CNTNAP5: variants seen among roughly 807,000 people sequenced by gnomAD.
CNTNAP5 encodes contactin associated protein family member 5.
CNTNAP5 carries 72 observed loss-of-function variants against 150.2 expected under a neutral mutation model. That is an observed-to-expected ratio of 0.48 (90% CI 0.40 to 0.58). The LOEUF is 0.58. Among genes scored for constraint, CNTNAP5 ranks in the 20% least tolerant of loss-of-function variants. The pLI, the probability that CNTNAP5 is intolerant of heterozygous loss-of-function variation, is 0.00. For synonymous variants in CNTNAP5, 672 were observed against 619.8 expected (o/e 1.08, Z -1.25); for missense variants, 1,636 against 1,626.2 (o/e 1.01, Z -0.10).
chr2:124,425,013 C>T (rs556629696), intron 4 of CNTNAP5, among the ~76,000 whole-genome samples: 2 of 152,254 alleles, frequency 1.3e-5, no homozygotes, highest in African/African-American at 2.4e-5. Flanking sequence ...TTAAAGGAAA[C>T]CTGAAAAGGG....
intron 19 of CNTNAP5, among the ~76,000 whole-genome samples, chr2:124,800,936 T>A (rs1681953906): frequency 6.6e-6 from 1 of 152,098 alleles, no homozygotes; most frequent in African/African-American, 2.4e-5. Context: ...CAGCTTGGTT[T>A]TATATATTTT....
chr2:124,816,923 A>G (rs368903774), intron 19 of CNTNAP5, among the ~76,000 whole-genome samples: 6 of 152,240 alleles, frequency 3.9e-5, no homozygotes, highest in Admixed American at 2.6e-4. Context: ...CATCGTTGCC[A>G]TATTCTATGT....
intron 11 of CNTNAP5, among the ~76,000 whole-genome samples, chr2:124,567,866 T>TAGATAG (rs1553480451): frequency 1.2e-4 from 16 of 138,536 alleles, no homozygotes; most frequent in Admixed American, 6.8e-4. Flanking sequence ...GATAGATAGA[T>TAGATAG]AGATAGATAG....
intron 11 of CNTNAP5, among the ~76,000 whole-genome samples, chr2:124,606,214 A>C (rs1697103325): frequency 6.6e-6 from 1 of 152,312 alleles, no homozygotes; most frequent in Non-Finnish European, 1.5e-5. Flanking sequence ...ATGTCATATC[A>C]CCAAAATAGT....
intron 3 of CNTNAP5, among the ~76,000 whole-genome samples, chr2:124,353,752 T>C (rs917985687): frequency 3.9e-5 from 6 of 152,190 alleles, no homozygotes; most frequent in African/African-American, 1.4e-4. Context: ...ATTAACAGTC[T>C]ACAACAGTTA....
At chr2:124,145,794 T>TAAATAAAAAAATAAAAAA (rs1684225598) in intron 1 of CNTNAP5, among the ~76,000 whole-genome samples, 1 of 29,532 alleles carries the variant, frequency 3.4e-5, no homozygotes, top group African/African-American at 1.1e-4. Context: ...TAAAGTATAA[T>TAAATAAAAAAATAAAAAA]AAAAAAAAAA....
intron 13 of CNTNAP5, among the ~76,000 whole-genome samples, chr2:124,726,335 C>T (rs896532330): frequency 5.9e-5 from 9 of 152,068 alleles, no homozygotes; most frequent in African/African-American, 9.7e-5. Flanking sequence ...TTCCCCTATG[C>T]TGTTGTCAAG....
At chr2:124,551,412 A>G (rs1003589776) in intron 10 of CNTNAP5, among the ~76,000 whole-genome samples, 1 of 152,202 alleles carries the variant, frequency 6.6e-6, no homozygotes, top group Non-Finnish European at 1.5e-5. Context: ...AATTGTTAGA[A>G]TGGAAAGACA....
intron 19 of CNTNAP5, among the ~76,000 whole-genome samples, chr2:124,800,314 A>G (rs1033141358): frequency 2.0e-5 from 3 of 152,234 alleles, no homozygotes; most frequent in African/African-American, 4.8e-5. Flanking sequence ...AGGGAAATAC[A>G]GCTGCCATGA....
intron 13 of CNTNAP5, among the ~76,000 whole-genome samples, chr2:124,701,418 T>C (rs1303148715): frequency 1.3e-5 from 2 of 152,154 alleles, no homozygotes; most frequent in Non-Finnish European, 2.9e-5. Flanking sequence ...TCTTTATTCA[T>C]GCCTTCAATG....
rs1678837405 is a variant in CNTNAP5 at position 124,919,740 on chromosome 2, A to G, written c.*5452A>G. Among the ~76,000 whole-genome samples the G allele has an allele frequency of 6.6e-6, 1 of 151,704 alleles. No homozygotes were observed. The highest frequency in any genetic ancestry group is 6.6e-5 in the Admixed American group (1 of 15,188). On this transcript the variant is annotated 3_prime_UTR_variant, in exon 24 of 24. Transcript: ENST00000682447. ...TTTTTTTACCTTCCAACACTTCTTC[A>G]GTCACATTCTTTTTTTTCAATTTTT... is the stretch of plus-strand genomic sequence containing the variant.
chr2:124,314,400 C>T (rs1688911560), intron 3 of CNTNAP5, among the ~76,000 whole-genome samples: 1 of 152,144 alleles, frequency 6.6e-6, no homozygotes. Flanking sequence ...GTAGTGGGCC[C>T]TGAGAGACCC....
At chr2:124,238,129 C>T (rs1360339194) in intron 2 of CNTNAP5, among the ~76,000 whole-genome samples, 7 of 152,090 alleles carry the variant, frequency 4.6e-5, no homozygotes, top group Non-Finnish European at 8.8e-5. Context: ...GAGAATTGCT[C>T]TTATGAGGAA....
Position 124,297,800 on chromosome 2 carries a change from C to T in CNTNAP5, c.381+55407C>T, listed in dbSNP as rs1688472892. ...GAGAACTACTAAGCCAGGCAATCCACATCCAATTATTTATTATTATTATTA... is the reference window on the plus strand; with the variant it reads ...GAGAACTACTAAGCCAGGCAATCCATATCCAATTATTTATTATTATTATTA... On this transcript the variant is annotated intron_variant, in intron 3 of 23. Transcript: ENST00000682447. Among the ~76,000 whole-genome samples the T allele has an allele frequency of 2.3e-5, 3 of 131,206 alleles. No individual in the cohort carries two copies. The South Asian group carries it at 7.1e-4, about 31-fold the overall frequency. 86.1% of individuals were successfully genotyped at this position (131,206 alleles called of 152,430 possible). A position where few individuals can be genotyped will look rare whatever the true frequency, so the allele number is the denominator to read the frequency against.
At chr2:124,580,869 CA>C (rs1177305155) in intron 11 of CNTNAP5, among the ~76,000 whole-genome samples, 1 of 152,136 alleles carries the variant, frequency 6.6e-6, no homozygotes, top group Non-Finnish European at 1.5e-5. Context: ...AAGTTCAGAA[CA>C]ATATGGGATG....
chr2:124,805,374 T>A (rs1682060381), intron 19 of CNTNAP5, among the ~76,000 whole-genome samples: 1 of 152,096 alleles, frequency 6.6e-6, no homozygotes, highest in African/African-American at 2.4e-5. Context: ...TGTGTAGAAC[T>A]AACTAACAAA....
intron 3 of CNTNAP5, among the ~76,000 whole-genome samples, chr2:124,394,324 A>C (rs534884279): frequency 1.3e-5 from 2 of 149,958 alleles, no homozygotes; most frequent in South Asian, 4.3e-4. Context: ...GATAGCTGAG[A>C]TGGTGCCACT....
chr2:124,561,158 A>C (rs1386737623), intron 10 of CNTNAP5, among the ~76,000 whole-genome samples: 1 of 152,098 alleles, frequency 6.6e-6, no homozygotes, highest in Non-Finnish European at 1.5e-5. Flanking sequence ...AGGTGTGGAA[A>C]GGTCATGGAA....
chr2:124,767,678 G>A (rs1366135529), intron 16 of CNTNAP5, among the ~76,000 whole-genome samples: 1 of 152,132 alleles, frequency 6.6e-6, no homozygotes, highest in Non-Finnish European at 1.5e-5. Context: ...GCCTTTGGCT[G>A]CAAATAACAG....
Sources: allele counts gnomAD v4.1 joint callset (sites outside exome capture counted in the v4.1 genomes callset), GRCh38; gene constraint gnomAD v4.1.1; transcripts MANE v1.5; gene names NCBI Gene and HGNC (gene_info 2026-07-23, HGNC 2026-07-21).